COL22A1: variants seen among roughly 807,000 people sequenced by gnomAD.
The protein encoded by COL22A1 is collagen type XXII alpha 1 chain, also known as collagen alpha-1(XXII) chain.
A neutral mutation model predicts 248.9 loss-of-function variants in COL22A1; 221 were observed. The observed-to-expected ratio is 0.89, with a 90% CI of 0.80 to 0.99. The LOEUF is 0.99. Among genes scored for constraint, COL22A1 ranks in the 50% least tolerant of loss-of-function variants. The pLI, the probability that COL22A1 is intolerant of heterozygous loss-of-function variation, is 0.00. For missense variants in COL22A1, 2,240 were observed against 2,179.0 expected (o/e 1.03, Z -0.56); for synonymous variants, 891 against 793.4 (o/e 1.12, Z -2.07).
chr8:138,645,571 C>G (rs548880345), intron 47 of COL22A1, among the ~76,000 whole-genome samples: 1 of 152,172 alleles, frequency 6.6e-6, no homozygotes, highest in Non-Finnish European at 1.5e-5. Context: ...ATACAATATA[C>G]CAGGCACTGA....
rs754667770 is a variant in COL22A1, at chr8:138,883,127, G to C, written c.46C>G (p.Leu16Val). ...GNAVAGLLWM[L>V]LLWSGGGGCQ... ...CCGCCGCCCCCACTCCACAGCAGCA[G>C]CATCCAGAGGAGGCCAGCCACAGCG... The change falls in exon 2 of 65, where the codon CTG becomes GTG. Residue 16 changes from leucine (L) to valine (V), a missense_variant. Coordinates refer to ENST00000303045, the MANE Select transcript of COL22A1 (RefSeq NM_152888.3). 1.9e-6 allele frequency: 3 copies of C among 1,598,932 alleles called. No individual in the cohort carries two copies. The African/African-American group carries it at 4.0e-5, about 21-fold the overall frequency.
chr8:138,822,406 T>C (rs977927529), intron 6 of COL22A1, among the ~76,000 whole-genome samples: 4 of 152,202 alleles, frequency 2.6e-5, no homozygotes, highest in African/African-American at 9.6e-5. Context: ...ACTTATTTTG[T>C]CATCCCTCCA....
chr8:138,674,955 G>T (rs1406997828), intron 41 of COL22A1, among the ~76,000 whole-genome samples: 1 of 152,152 alleles, frequency 6.6e-6, no homozygotes, highest in Non-Finnish European at 1.5e-5. Flanking sequence ...AATAGCCAAA[G>T]AACAAAGGTA....
rs536850714 is a variant in COL22A1 at position 138,850,369 on chromosome 8, T to C, written c.659-6211A>G. ...CAGGAAGTCTGTGTGACATATGCAG[T>C]AGACAAAATATCGCCAGAAAGGAAA... On this transcript the variant is annotated intron_variant, in intron 3 of 64. Coordinates refer to ENST00000303045, the MANE Select transcript of COL22A1 (RefSeq NM_152888.3). Among the ~76,000 whole-genome samples, 4 of 152,352 alleles carry C rather than the reference T, an allele frequency of 2.6e-5. No homozygotes were observed. The South Asian group carries it at 8.3e-4, about 32-fold the overall frequency.
intron 30 of COL22A1, among the ~76,000 whole-genome samples, chr8:138,704,746 C>T (rs1828269137): frequency 6.6e-6 from 1 of 152,186 alleles, no homozygotes. Flanking sequence ...CAGCTCCTCG[C>T]CAGCAATGGA....
chr8:138,832,952 G>T, intron 5 of COL22A1, 87 bp downstream of exon 5: 1 of 871,458 alleles, frequency 1.1e-6, no homozygotes, highest in Non-Finnish European at 1.9e-6. Context: ...CCGGCTCGGT[G>T]CCAAGTATGA....
intron 27 of COL22A1, among the ~76,000 whole-genome samples, chr8:138,720,315 C>T (rs887640629): frequency 2.0e-5 from 3 of 152,146 alleles, no homozygotes; most frequent in African/African-American, 7.2e-5. Context: ...GAAGGTAGAA[C>T]ACAGTTCAGA....
chr8:138,667,850 C>A lies in COL22A1; in HGVS notation c.3151-4110G>T, dbSNP rs759583310. On this transcript the variant is annotated intron_variant, in intron 41 of 64. Coordinates refer to ENST00000303045, the MANE Select transcript of COL22A1 (RefSeq NM_152888.3). ...TCATGTGCCTCCTGCTGGATGAACA[C>A]CCCACCTGTGAAGTCTTGCCAACAA... is the stretch of plus-strand genomic sequence containing the variant. 5.8e-4 allele frequency among the ~76,000 whole-genome samples: 89 copies of A among 152,152 alleles called. 1 individual carries two copies. Among genetic ancestry groups the A allele is most frequent in the Middle Eastern group, 3.4e-3 (1 of 294 alleles).
intron 47 of COL22A1, among the ~76,000 whole-genome samples, chr8:138,641,402 T>C (rs184194958): frequency 3.1e-3 from 473 of 152,256 alleles, no homozygotes; most frequent in African/African-American, 0.01. Flanking sequence ...ACGCTTTTCG[T>C]AGGGGACAGA....
chr8:138,799,269 A>G (rs1816809437), intron 11 of COL22A1, among the ~76,000 whole-genome samples: 1 of 152,184 alleles, frequency 6.6e-6, no homozygotes, highest in Non-Finnish European at 1.5e-5. Context: ...GATCATAATT[A>G]TAATGATTGC....
chr8:138,806,950 C>T (rs186689291), intron 10 of COL22A1, among the ~76,000 whole-genome samples: 1 of 152,320 alleles, frequency 6.6e-6, no homozygotes, highest in African/African-American at 2.4e-5. Context: ...CTAAACCATC[C>T]TCTAACCCCA....
chr8:138,703,866 C>G (rs1828176477), intron 30 of COL22A1, among the ~76,000 whole-genome samples: 1 of 152,158 alleles, frequency 6.6e-6, no homozygotes, highest in Admixed American at 6.5e-5. Flanking sequence ...GGGGAATTCC[C>G]TTCCCTAGCC....
At chr8:138,653,060 T>G (rs1822905550) in intron 45 of COL22A1, among the ~76,000 whole-genome samples, 1 of 152,134 alleles carries the variant, frequency 6.6e-6, no homozygotes, top group African/African-American at 2.4e-5. Flanking sequence ...CTGAACTATT[T>G]TCAACAAACT....
intron 7 of COL22A1, among the ~76,000 whole-genome samples, chr8:138,819,415 A>G (rs914381059): frequency 6.6e-6 from 1 of 152,062 alleles, no homozygotes; most frequent in African/African-American, 2.4e-5. Context: ...ACCATCAGTA[A>G]ACATAGGGAA....
intron 41 of COL22A1, among the ~76,000 whole-genome samples, chr8:138,674,730 G>A (rs2130792271): frequency 6.6e-6 from 1 of 152,298 alleles, no homozygotes; most frequent in East Asian, 1.9e-4. Context: ...CCTGGTAAGT[G>A]ATGGGGGTGC....
At chr8:138,682,992 C>G (rs916570855) in intron 39 of COL22A1, among the ~76,000 whole-genome samples, 2 of 152,204 alleles carry the variant, frequency 1.3e-5, no homozygotes, top group Non-Finnish European at 2.9e-5. Context: ...AGCCACCGCA[C>G]CCGGCCCTAC....
intron 6 of COL22A1, chr8:138,825,570 T>A (rs1313909993): frequency 6.6e-6 from 1 of 152,072 alleles, no homozygotes; most frequent in African/African-American, 2.4e-5. Context: ...CTCCAAACAA[T>A]CCCCAGCTCC....
chr8:138,610,882 A>G (rs139399353), intron 56 of COL22A1, among the ~76,000 whole-genome samples: 1 of 152,188 alleles, frequency 6.6e-6, no homozygotes, highest in African/African-American at 2.4e-5. Flanking sequence ...TGGACAACAT[A>G]GTGAGACCTC....
At position 138,607,556 on chromosome 8, in the gene COL22A1, T is replaced by TCCCATGCTG. The variant is rs537234838; in HGVS notation, c.4032+371_4032+379dup. On this transcript the variant is annotated intron_variant, in intron 57 of 64. Coordinates refer to ENST00000303045, the MANE Select transcript of COL22A1 (RefSeq NM_152888.3). ...CTCCCACCCCCGTCCCTACCTCCAT[T>TCCCATGCTG]CCCATGCTGCACACTTTGTCATTTG... Among the ~76,000 whole-genome samples the TCCCATGCTG allele has an allele frequency of 3.3e-3, 468 of 141,910 alleles. 2 individuals are homozygous for TCCCATGCTG. Among genetic ancestry groups the TCCCATGCTG allele is most frequent in the African/African-American group, 0.011 (448 of 39,322 alleles). The allele number at this position is 141,910 out of a possible 152,430, so 93.1% of individuals were successfully genotyped here.
Sources: gnomAD v4.1 joint callset for allele counts (sites outside exome capture counted in the v4.1 genomes callset) on GRCh38, gnomAD v4.1.1 for gene constraint, MANE v1.5 for transcripts, NCBI Gene and HGNC (gene_info 2026-07-23, HGNC 2026-07-21) for gene names.